PKNOX2: variants seen among roughly 807,000 people sequenced by gnomAD.
PKNOX2 encodes the protein homeobox protein PKNOX2.
Under a neutral mutation model 53.1 loss-of-function variants are expected in PKNOX2, and 14 were observed. The observed-to-expected ratio is 0.26, with a 90% CI of 0.17 to 0.41. PKNOX2 has a LOEUF of 0.41. Among genes scored for constraint, PKNOX2 ranks in the 10% least tolerant of loss-of-function variants. PKNOX2 has a pLI of 1.00. For synonymous variants in PKNOX2, 257 were observed against 242.8 expected (o/e 1.06, Z -0.54); for missense variants, 496 against 602.8 (o/e 0.82, Z 1.85).
intron 6 of PKNOX2, among the ~76,000 whole-genome samples, chr11:125,392,108 G>T (rs187788131): frequency 6.6e-6 from 1 of 152,254 alleles, no homozygotes; most frequent in Admixed American, 6.5e-5. Flanking sequence ...AAAGCCAATG[G>T]GATATCAGAC....
rs1459608162 is a variant in PKNOX2, at chr11:125,351,542, G to C, written c.87+150G>C. On this transcript the variant is annotated intron_variant, in intron 4 of 12. Transcript: ENST00000298282. ...CTGGTGGCACTCCGGGCTCTTTCCCGTCAGCCTGGGGAGCGAGAGCCCTGC... is the reference window on the plus strand; with the variant it reads ...CTGGTGGCACTCCGGGCTCTTTCCCCTCAGCCTGGGGAGCGAGAGCCCTGC... The C allele has an allele frequency of 4.8e-6, 3 of 622,356 alleles. No individual in the cohort carries two copies. The African/African-American group carries it at 5.5e-5, about 11-fold the overall frequency. 38.6% of individuals were successfully genotyped at this position (622,356 alleles called of 1,614,324 possible). A position where few individuals can be genotyped will look rare whatever the true frequency, so the allele number is the denominator to read the frequency against.
At chr11:125,317,051 C>G (rs570235565) in intron 2 of PKNOX2, among the ~76,000 whole-genome samples, 1 of 152,284 alleles carries the variant, frequency 6.6e-6, no homozygotes, top group Non-Finnish European at 1.5e-5. Context: ...GTATCTTCAC[C>G]AGGAGGAGAT....
intron 1 of PKNOX2, among the ~76,000 whole-genome samples, chr11:125,197,696 G>C (rs1022985053): frequency 6.6e-6 from 1 of 152,170 alleles, no homozygotes; most frequent in African/African-American, 2.4e-5. Flanking sequence ...CTGAGGCTCT[G>C]GCAGGGCCAC....
intron 3 of PKNOX2, among the ~76,000 whole-genome samples, chr11:125,340,117 C>A (rs1950607909): frequency 6.6e-6 from 1 of 152,204 alleles, no homozygotes. Context: ...AATGTGTACA[C>A]ACACTGCTGT....
At chr11:125,297,630 T>C (rs942567548) in intron 2 of PKNOX2, among the ~76,000 whole-genome samples, 1 of 152,216 alleles carries the variant, frequency 6.6e-6, no homozygotes, top group African/African-American at 2.4e-5. Flanking sequence ...CTCTCGTACC[T>C]GGTGTATGGG....
At chr11:125,261,601 C>T (rs1235832536) in intron 2 of PKNOX2, among the ~76,000 whole-genome samples, 1 of 152,166 alleles carries the variant, frequency 6.6e-6, no homozygotes, top group East Asian at 1.9e-4. Flanking sequence ...CTCATCTGTT[C>T]AAGAACTGCC....
At chr11:125,300,748 C>A (rs1325222724) in intron 2 of PKNOX2, among the ~76,000 whole-genome samples, 1 of 152,116 alleles carries the variant, frequency 6.6e-6, no homozygotes. Context: ...TCCCAATAAA[C>A]TCTCCCCAGA....
intron 1 of PKNOX2, among the ~76,000 whole-genome samples, chr11:125,195,779 A>T (rs2135374697): frequency 6.6e-6 from 1 of 152,048 alleles, no homozygotes; most frequent in African/African-American, 2.4e-5. Flanking sequence ...AATTTCTCCA[A>T]CTCCAACACT....
At chr11:125,171,157 G>A (rs1321667398) in intron 1 of PKNOX2, among the ~76,000 whole-genome samples, 1 of 152,184 alleles carries the variant, frequency 6.6e-6, no homozygotes, top group East Asian at 1.9e-4. Context: ...AATAGTTGTT[G>A]AGGATTCTTG....
rs186424559 is a variant in PKNOX2, at chr11:125,257,122, G to T, written c.-130+22007G>T. ...ATCTTCCCCAAAGCTGTATTATTCT[G>T]TGCCTCTGAGCTGGAATTCCTGATT... On this transcript the variant is annotated intron_variant, in intron 2 of 12. Transcript: ENST00000298282. 4.0e-5 allele frequency among the ~76,000 whole-genome samples: 6 copies of T among 151,400 alleles called. No individual in the cohort carries two copies. The East Asian group carries it at 9.7e-4, about 24-fold the overall frequency.
At chr11:125,220,146 G>T (rs1273722220) in intron 1 of PKNOX2, among the ~76,000 whole-genome samples, 1 of 151,646 alleles carries the variant, frequency 6.6e-6, no homozygotes, top group Non-Finnish European at 1.5e-5. Context: ...AACCCACCAA[G>T]TTTAAAAAAA....
chr11:125,271,570 G>A (rs943427065), intron 2 of PKNOX2, among the ~76,000 whole-genome samples: 1 of 152,246 alleles, frequency 6.6e-6, no homozygotes, highest in African/African-American at 2.4e-5. Context: ...CTGTATCAGA[G>A]CACTCTGCTC....
intron 2 of PKNOX2, among the ~76,000 whole-genome samples, chr11:125,300,443 T>G (rs1947967506): frequency 6.6e-6 from 1 of 152,160 alleles, no homozygotes; most frequent in Non-Finnish European, 1.5e-5. Context: ...TTAAGCAGCT[T>G]CCCACAGTTC....
chr11:125,367,927 C>T lies in PKNOX2; in HGVS notation c.169C>T (p.Pro57Ser), dbSNP rs372013727. The T allele has an allele frequency of 2.7e-5, 44 of 1,613,518 alleles. No individual in the cohort carries two copies. The highest frequency in any genetic ancestry group is 3.5e-5 in the Non-Finnish European group (41 of 1,179,836). ...CTCAGCTGCTGCCAGCACACCTGTG[C>T]CCAGTGCCCCCATCGACCCCCAGGC... Reference protein sequence around the residue: ...APSAAASTPVPSAPIDPQAQL... With the variant: ...APSAAASTPVSSAPIDPQAQL... Residue 57 changes from proline (P) to serine (S), a missense_variant, in exon 5 of 13, where the codon CCC becomes TCC. By Grantham distance (74) the Pro-to-Ser change is moderately conservative. This residue lies in a region of PKNOX2 where 168 missense variants were observed against 178.4 expected (regional missense o/e 0.94). Transcript: ENST00000298282.
intron 7 of PKNOX2, among the ~76,000 whole-genome samples, chr11:125,408,291 G>A (rs1370349981): frequency 1.3e-5 from 2 of 152,182 alleles, no homozygotes; most frequent in Non-Finnish European, 2.9e-5. Context: ...TTTAGACTGC[G>A]ACTGCAGGAA....
intron 7 of PKNOX2, among the ~76,000 whole-genome samples, chr11:125,402,846 A>G (rs913049575): frequency 6.6e-6 from 1 of 152,188 alleles, no homozygotes; most frequent in Non-Finnish European, 1.5e-5. Context: ...TCACACCTTC[A>G]TGGCCAGTTT....
intron 2 of PKNOX2, among the ~76,000 whole-genome samples, chr11:125,268,849 G>A (rs895003069): frequency 2.6e-5 from 4 of 152,000 alleles, no homozygotes; most frequent in Non-Finnish European, 5.9e-5. Context: ...GGTGGGGGCT[G>A]AGGAGGCCAG....
chr11:125,369,110 C>G (rs980061720), intron 5 of PKNOX2, among the ~76,000 whole-genome samples: 2 of 152,214 alleles, frequency 1.3e-5, no homozygotes, highest in Non-Finnish European at 2.9e-5. Context: ...GTAATTAGGG[C>G]TGTTATTCTC....
At chr11:125,222,633 G>A (rs1178991271) in intron 1 of PKNOX2, among the ~76,000 whole-genome samples, 1 of 146,668 alleles carries the variant, frequency 6.8e-6, no homozygotes, top group Non-Finnish European at 1.5e-5. Flanking sequence ...ATGTGTGTGT[G>A]TATGTGTGTG....
Sources: gnomAD v4.1 joint callset for allele counts (sites outside exome capture counted in the v4.1 genomes callset) on GRCh38, gnomAD v4.1.1 for gene constraint, gnomAD v4.1.1 regional missense constraint, MANE v1.5 for transcripts, NCBI Gene and HGNC (gene_info 2026-07-23, HGNC 2026-07-21) for gene names.